Variants in PLA2G4F observed in about 807,000 individuals in gnomAD.
PLA2G4F encodes the protein phospholipase A2 group IVF.
In PLA2G4F, 105 loss-of-function variants were observed where a neutral mutation model predicts 103.1. The observed-to-expected ratio is 1.02, with a 90% CI of 0.87 to 1.20. PLA2G4F has a LOEUF of 1.20. Among genes scored for constraint, PLA2G4F ranks in the 50% most tolerant of loss-of-function variants. The pLI is 0.00. For synonymous variants in PLA2G4F, 468 were observed against 441.1 expected, an observed-to-expected ratio of 1.06 and a Z score of -0.76; for missense variants, 1,155 against 1,075.9, an observed-to-expected ratio of 1.07 and a Z score of -1.03.
rs2048811863 is a variant in PLA2G4F at position 42,139,608 on chromosome 15, G to C, written c.*2376C>G. ...TTTCCAGCCATCTCAGATAAGGGTT[G>C]GGAATGAGGTAAAGACTCAGATCTC... On this transcript the variant is annotated 3_prime_UTR_variant, in exon 20 of 20. Transcript: ENST00000397272. 1 of 152,214 alleles carries C rather than the reference G, an allele frequency of 6.6e-6. No individual in the cohort carries two copies. Among genetic ancestry groups the C allele is most frequent in the Non-Finnish European group, 1.5e-5 (1 of 68,054 alleles). The allele number at this position is 152,214 out of a possible 1,614,324, so 9.4% of individuals were successfully genotyped here. A position where few individuals can be genotyped will look rare whatever the true frequency, so the allele number is the denominator to read the frequency against.
intron 2 of PLA2G4F, among the ~76,000 whole-genome samples, chr15:42,155,102 T>TACACACTCACGTTCAC (rs1491280377): frequency 8.4e-6 from 1 of 118,480 alleles, no homozygotes; most frequent in African/African-American, 4.1e-5. Context: ...TATACACACA[T>TACACACTCACGTTCAC]ACACACTCAC....
At chr15:42,146,436 T>C (rs1449768459) in intron 13 of PLA2G4F, among the ~76,000 whole-genome samples, 195 bp from the exon 14 acceptor site, 2 of 152,208 alleles carry the variant, frequency 1.3e-5, no homozygotes, top group African/African-American at 4.8e-5. Context: ...AGTGGGTCTG[T>C]ACAATTCCAG....
chr15:42,145,702 C>G lies in PLA2G4F; in HGVS notation c.1673-20G>C, dbSNP rs1390711621. The G allele has an allele frequency of 6.2e-7, 1 of 1,613,800 alleles. No homozygotes were observed. Among genetic ancestry groups the G allele is most frequent in the South Asian group, 1.1e-5 (1 of 91,082 alleles). ...ACATACCTAAGGAGACAGGCAGGCC[C>G]CCACCCCACGTCAGGGCCTGGCCCC... On this transcript the variant is annotated intron_variant, in intron 15 of 19. Transcript: ENST00000397272.
chr15:42,155,684 G>A, intron 1 of PLA2G4F, 95 bp from the exon 2 acceptor site: 6 of 1,268,420 alleles, frequency 4.7e-6, no homozygotes, highest in Non-Finnish European at 6.8e-6. Context: ...CAGCAACCTG[G>A]CATAGGGTCA....
chr15:42,153,705 A>T, intron 4 of PLA2G4F, 45 bp from the exon 5 acceptor site: 1 of 1,606,828 alleles, frequency 6.2e-7, no homozygotes, highest in Middle Eastern at 1.7e-4. Flanking sequence ...AGGCTCCAAA[A>T]GCCTCCAGAG....
At chr15:42,155,704 C>A in intron 1 of PLA2G4F, 115 bp from the exon 2 acceptor site, 1 of 1,037,714 alleles carries the variant, frequency 9.6e-7, no homozygotes, top group Non-Finnish European at 1.5e-6. Context: ...ACTGACGTCT[C>A]TGTGCCGGGG....
chr15:42,140,374 T>A lies in PLA2G4F; in HGVS notation c.*1610A>T, dbSNP rs1311970401. The A allele has an allele frequency of 6.6e-6, 1 of 152,222 alleles. No individual in the cohort carries two copies. The highest frequency in any genetic ancestry group is 1.5e-5 in the Non-Finnish European group (1 of 68,062). 9.4% of individuals were successfully genotyped at this position (152,222 alleles called of 1,614,324 possible). A position where few individuals can be genotyped will look rare whatever the true frequency, so the allele number is the denominator to read the frequency against. ...CTGTGCAGTTCTGAGCTGTGAACCC[T>A]ATGAAGGTTTTACTAACAAGTTATT... On this transcript the variant is annotated 3_prime_UTR_variant, in exon 20 of 20. Coordinates refer to ENST00000397272, the MANE Select transcript of PLA2G4F (RefSeq NM_213600.4).
rs148529696 is a variant in PLA2G4F, at chr15:42,145,777, C to T, written c.1661G>A (p.Cys554Tyr). Reference sequence around the variant, plus strand: ...CAGCCTCGACTCACCTTGCAGGTAACAGATCCGGGGTTCAGGCTGGAGCTG... The same window carrying T: ...CAGCCTCGACTCACCTTGCAGGTAATAGATCCGGGGTTCAGGCTGGAGCTG... ...LLQLQPEPRICYLQGMWGSAF... is the reference protein window; with the variant it reads ...LLQLQPEPRIYYLQGMWGSAF... Residue 554 changes from cysteine to tyrosine, a missense_variant, in exon 15 of 20, where the codon TGT becomes TAT. This residue lies in a region of PLA2G4F where 782 missense variants were observed against 692.9 expected (regional missense o/e 1.13). Transcript: ENST00000397272. 2.5e-3 allele frequency: 4,071 copies of T among 1,614,120 alleles called. 6 individuals carry two copies. The highest frequency in any genetic ancestry group is 3.3e-3 in the Non-Finnish European group (3,856 of 1,180,038).
intron 6 of PLA2G4F, 34 bp from the exon 7 acceptor site, chr15:42,152,788 G>A: frequency 6.5e-7 from 1 of 1,544,674 alleles, no homozygotes; most frequent in Non-Finnish European, 8.8e-7. Context: ...GAGCCAGACA[G>A]CCCACGGCCC....
intron 9 of PLA2G4F, 72 bp from the exon 10 acceptor site, chr15:42,150,213 G>T: frequency 6.2e-7 from 1 of 1,600,080 alleles, no homozygotes. Flanking sequence ...TCCCCCACCT[G>T]CAGCCCTTGC....
chr15:42,143,176 TA>T lies in PLA2G4F; in HGVS notation c.2143-463del, dbSNP rs56171986. Among the ~76,000 whole-genome samples the T allele has an allele frequency of 5.1e-3, 454 of 89,578 alleles. 6 individuals carry two copies. The highest frequency in any genetic ancestry group is 0.019 in the African/African-American group (393 of 20,288). The allele number at this position is 89,578 out of a possible 152,430, so 58.8% of individuals were successfully genotyped here. On this transcript the variant is annotated intron_variant, in intron 18 of 19. Coordinates refer to ENST00000397272, the MANE Select transcript of PLA2G4F (RefSeq NM_213600.4). ...CCTGGTGACAGAGTGAGACTCCATC[TA>T]AAAAAAAAAAAAAAAAAAAAAAAAA...
At position 42,142,641 on chromosome 15, in the gene PLA2G4F, T is replaced by C. The variant is rs1249976718; in HGVS notation, c.2216A>G (p.Asp739Gly). The C allele has an allele frequency of 4.3e-6, 7 of 1,613,890 alleles. No homozygotes were observed. The highest frequency in any genetic ancestry group is 4.5e-5 in the East Asian group (2 of 44,872). The change falls in exon 19 of 20, where the codon GAC (aspartate) becomes GGC (glycine). Residue 739 changes from aspartate to glycine, a missense_variant. Physicochemically the swap from Asp to Gly is moderately conservative, Grantham distance 94. Coordinates refer to ENST00000397272, the MANE Select transcript of PLA2G4F (RefSeq NM_213600.4). ...PFPSIEVGPE[D>G]MEEARECYLF... ...ATAGCACTCACGGGCCTCCTCCATG[T>C]CCTCAGGGCCCACCTCGATGCTAGG... is the stretch of plus-strand genomic sequence containing the variant.
rs376356935 is a variant in PLA2G4F, at chr15:42,140,989, G to T, written c.*995C>A. 42 of 340,650 alleles carry T rather than the reference G, an allele frequency of 1.2e-4. No individual in the cohort carries two copies. The highest frequency in any genetic ancestry group is 6.0e-4 in the East Asian group (8 of 13,274). 21.1% of individuals were successfully genotyped at this position (340,650 alleles called of 1,614,324 possible). The stretch of plus-strand genomic sequence containing the variant: ...TATTTGGAGAGTCCCTGGCGGGTCA[G>T]GGGAAATGGAGAAGAGGGAGAGTGA... On this transcript the variant is annotated 3_prime_UTR_variant, in exon 20 of 20. Transcript: ENST00000397272.
chr15:42,145,043 C>G (rs2048867052), intron 16 of PLA2G4F, among the ~76,000 whole-genome samples: 1 of 152,164 alleles, frequency 6.6e-6, no homozygotes, highest in Non-Finnish European at 1.5e-5. Context: ...GCACGGCCTA[C>G]TTGTGGGGGA....
rs1405186224 is a variant in PLA2G4F at position 42,147,236 on chromosome 15, G to A, written c.1307C>T (p.Thr436Met). ...VCSSKMGALS[T>M]ERLQYYTQEL... Reference sequence around the variant, plus strand: ...CTGAGTGTAGTACTGTAGCCGCTCCGTGGACAAAGCTCCCATCTTACTGCT... The same window carrying A: ...CTGAGTGTAGTACTGTAGCCGCTCCATGGACAAAGCTCCCATCTTACTGCT... The change falls in exon 13 of 20, where the codon ACG becomes ATG. Residue 436 changes from threonine (T) to methionine (M), a missense_variant. By Grantham distance (81) the Thr-to-Met change is moderately conservative. This residue lies in a region of PLA2G4F where 782 missense variants were observed against 692.9 expected (regional missense o/e 1.13). Coordinates refer to ENST00000397272, the MANE Select transcript of PLA2G4F (RefSeq NM_213600.4). 45 of 1,612,698 alleles carry A rather than the reference G, an allele frequency of 2.8e-5. No individual in the cohort carries two copies. The highest frequency in any genetic ancestry group is 3.3e-5 in the Admixed American group (2 of 60,020).
rs148007024 is a variant in PLA2G4F at position 42,144,619 on chromosome 15, G to T, written c.1806C>A (p.His602Gln). Residue 602 changes from histidine to glutamine, a missense_variant, in exon 17 of 20, where the codon CAC becomes CAA. By Grantham distance (24) the His-to-Gln change is conservative (BLOSUM62 0). Transcript: ENST00000397272. ...ITDDCQKPQL[H>Q]NPSRLRTRLL... The stretch of plus-strand genomic sequence containing the variant: ...GCCTCGTTCGCAGCCTCGAGGGGTT[G>T]TGCAGCTGAGGCTTCTGGCAGTCGT... 1,174 of 1,604,148 alleles carry T rather than the reference G, an allele frequency of 7.3e-4. 13 individuals are homozygous for T. In the African/African-American group the frequency reaches 0.014, roughly 20 times the overall value.
At position 42,150,338 on chromosome 15, in the gene PLA2G4F, GCAGGGGTCCCTCTGGCACC is replaced by G; in HGVS notation, c.885+16_885+34del. 1 of 1,573,404 alleles carries G rather than the reference GCAGGGGTCCCTCTGGCACC, an allele frequency of 6.4e-7. No individual in the cohort carries two copies. The highest frequency in any genetic ancestry group is 1.8e-5 in the Admixed American group (1 of 55,236). On this transcript the variant is annotated intron_variant, in intron 9 of 19. Coordinates refer to ENST00000397272, the MANE Select transcript of PLA2G4F (RefSeq NM_213600.4). ...CTCTCTTGGTGGTCACAGAGAGCAG[GCAGGGGTCCCTCTGGCACC>G]CAGACAGAGCCTTACCTCCCCCAGG...
Position 42,141,837 on chromosome 15 carries a change from C to T in PLA2G4F, c.*147G>A, listed in dbSNP as rs530470334. On this transcript the variant is annotated 3_prime_UTR_variant, in exon 20 of 20. Transcript: ENST00000397272. The stretch of plus-strand genomic sequence containing the variant: ...AGTCCAAGCTGCAATTCTGCAAGAG[C>T]TTTCCGGGGCCTGGGGCACCTCGAG... 3.7e-6 allele frequency: 3 copies of T among 802,096 alleles called. No homozygotes were observed. The highest frequency in any genetic ancestry group is 1.7e-5 in the African/African-American group (1 of 57,826). 49.7% of individuals were successfully genotyped at this position (802,096 alleles called of 1,614,324 possible).
At chr15:42,143,726 C>A (rs1238620313) in intron 18 of PLA2G4F, among the ~76,000 whole-genome samples, 2 of 152,090 alleles carry the variant, frequency 1.3e-5, no homozygotes, top group Admixed American at 6.5e-5. Context: ...TCCTGGGGAC[C>A]CTCTTTGGCC....
Sources: allele counts gnomAD v4.1 joint callset (sites outside exome capture counted in the v4.1 genomes callset), GRCh38; gene constraint gnomAD v4.1.1; regional missense constraint gnomAD v4.1.1; transcripts MANE v1.5; gene names NCBI Gene and HGNC (gene_info 2026-07-23, HGNC 2026-07-21).